Variants in SLC66A3 observed in about 807,000 individuals in gnomAD.
SLC66A3 encodes the protein PQ loop repeat containing 3.
A neutral mutation model predicts 25.5 loss-of-function variants in SLC66A3; 23 were observed. The observed-to-expected ratio is 0.90, with a 90% CI of 0.65 to 1.28. The LOEUF (loss-of-function observed/expected upper bound fraction) is 1.28, where lower values mean the gene tolerates loss of function less well. Among genes scored for constraint, SLC66A3 ranks in the 50% most tolerant of loss-of-function variants. The pLI, the probability that SLC66A3 is intolerant of heterozygous loss-of-function variation, is 0.00. For synonymous variants in SLC66A3, 108 were observed against 112.6 expected, an observed-to-expected ratio of 0.96 and a Z score of 0.26; for missense variants, 246 against 262.1, an observed-to-expected ratio of 0.94 and a Z score of 0.42.
Position 11,172,152 on chromosome 2 carries a change from C to G in SLC66A3, c.475+107C>G. ...TAACATGGTCCCTGGCGCTTTACTA[C>G]TTTACAAATGGCTACTCAGCTAGAA... On this transcript the variant is annotated intron_variant, in intron 5 of 6. Transcript: ENST00000295083. 5 of 1,067,352 alleles carry G rather than the reference C, an allele frequency of 4.7e-6. No individual in the cohort carries two copies. In the South Asian group the frequency reaches 6.3e-5, roughly 13 times the overall value. 66.1% of individuals were successfully genotyped at this position (1,067,352 alleles called of 1,614,324 possible).
Position 11,155,647 on chromosome 2 carries a change from C to T in SLC66A3, c.101C>T (p.Ala34Val), listed in dbSNP as rs754964965. Reference sequence around the variant, plus strand: ...TCCGCTGTGCTAGCGGCGCGCAGCGCGCGGGGCCTCAGCCTTCCGAGTTTA... The same window carrying T: ...TCCGCTGTGCTAGCGGCGCGCAGCGTGCGGGGCCTCAGCCTTCCGAGTTTA... ...QISAVLAARS[A>V]RGLSLPSLLL... is the part of the protein sequence containing the mutation. The change falls in exon 1 of 7, where the codon GCG (alanine) becomes GTG (valine). Residue 34 changes from alanine (A) to valine (V), a missense_variant. Physicochemically the swap from Ala to Val is moderately conservative, Grantham distance 64. This residue lies in a region of SLC66A3 where 142 missense variants were observed against 130.3 expected (regional missense o/e 1.09). Coordinates refer to ENST00000295083, the MANE Select transcript of SLC66A3 (RefSeq NM_152391.5). The T allele has an allele frequency of 1.3e-6, 2 of 1,497,786 alleles. No homozygotes were observed. The highest frequency in any genetic ancestry group is 2.7e-5 in the East Asian group (1 of 36,884). 92.8% of individuals were successfully genotyped at this position (1,497,786 alleles called of 1,614,324 possible).
intron 4 of SLC66A3, 66 bp downstream of exon 4, chr2:11,164,327 T>TATATATATATATA: frequency 5.7e-6 from 1 of 175,462 alleles, no homozygotes. Context: ...TGATAGATAT[T>TATATATATATATA]TATATATATA....
intron 4 of SLC66A3, among the ~76,000 whole-genome samples, chr2:11,167,468 A>G (rs1299920601): frequency 6.6e-6 from 1 of 152,102 alleles, no homozygotes; most frequent in Non-Finnish European, 1.5e-5. Flanking sequence ...CAAAAGAATC[A>G]AGTTCAGGGG....
chr2:11,168,979 T>C (rs1208794590), intron 4 of SLC66A3, among the ~76,000 whole-genome samples: 2 of 152,072 alleles, frequency 1.3e-5, no homozygotes, highest in Non-Finnish European at 2.9e-5. Context: ...TGCCTGAGCC[T>C]CCTGAGTAGC....
At chr2:11,163,738 A>AC (rs1662207332) in intron 3 of SLC66A3, among the ~76,000 whole-genome samples, 2 of 152,090 alleles carry the variant, frequency 1.3e-5, no homozygotes, top group Admixed American at 6.5e-5. Context: ...AGCATTGCCC[A>AC]CCCCAGCTGT....
In SLC66A3 at chr2:11,175,116, T is replaced by A. The variant is rs1394176426; in HGVS notation, c.517+107T>A. ...ATGGATGGACTTGGCTCTGTTGGAT[T>A]ATAGATTTAGAAGATGGCAACAATG... On this transcript the variant is annotated intron_variant, in intron 6 of 6. Transcript: ENST00000295083. 3.7e-6 allele frequency: 3 copies of A among 809,056 alleles called. No individual in the cohort carries two copies. In the African/African-American group the frequency reaches 5.2e-5, roughly 14 times the overall value. 50.1% of individuals were successfully genotyped at this position (809,056 alleles called of 1,614,324 possible).
intron 4 of SLC66A3, among the ~76,000 whole-genome samples, chr2:11,168,273 ACT>A (rs764078902): frequency 5.4e-5 from 8 of 149,114 alleles, no homozygotes; most frequent in Non-Finnish European, 1.2e-4. Context: ...TGACAGCAAG[ACT>A]CTGTCTGAAA....
intron 1 of SLC66A3, among the ~76,000 whole-genome samples, chr2:11,159,892 GTGGTTCTTCA>G (rs1279109739): frequency 6.6e-6 from 1 of 152,208 alleles, no homozygotes; most frequent in Non-Finnish European, 1.5e-5. Flanking sequence ...GAAATTGAGG[GTGGTTCTTCA>G]CGCTTTCCCC....
intron 1 of SLC66A3, 159 bp from the exon 2 acceptor site, chr2:11,160,307 A>T: frequency 1.5e-6 from 1 of 656,652 alleles, no homozygotes. Flanking sequence ...ATTCAACTGA[A>T]TTCCATCTAT....
chr2:11,161,633 C>T (rs1305492299), intron 3 of SLC66A3, among the ~76,000 whole-genome samples: 1 of 152,174 alleles, frequency 6.6e-6, no homozygotes, highest in Non-Finnish European at 1.5e-5. Context: ...ATCTTCCCGC[C>T]TCAGCCTCCT....
At chr2:11,158,017 A>T (rs1031874962) in intron 1 of SLC66A3, among the ~76,000 whole-genome samples, 1 of 152,126 alleles carries the variant, frequency 6.6e-6, no homozygotes, top group African/African-American at 2.4e-5. Context: ...TCTGGGTAGG[A>T]TGCCTTTGGA....
At chr2:11,169,833 C>CTTTTTT (rs1369612743) in intron 4 of SLC66A3, among the ~76,000 whole-genome samples, 6 of 66,686 alleles carry the variant, frequency 9.0e-5, no homozygotes, top group African/African-American at 3.9e-4. Context: ...CCCTGGATTT[C>CTTTTTT]TCTCTTTTTT....
At chr2:11,160,816 AAAAAAT>A (rs1245681546) in intron 3 of SLC66A3, 122 bp downstream of exon 3, 129 of 1,437,870 alleles carry the variant, frequency 9.0e-5, no homozygotes, top group East Asian at 1.5e-4. Context: ...AAAAAAAAAA[AAAAAAT>A]CCCAAATGCA....
At chr2:11,166,443 G>C (rs1237282703) in intron 4 of SLC66A3, among the ~76,000 whole-genome samples, 1 of 152,166 alleles carries the variant, frequency 6.6e-6, no homozygotes, top group Non-Finnish European at 1.5e-5. Flanking sequence ...GCAGACTCAT[G>C]AATTTCTTTC....
intron 5 of SLC66A3, among the ~76,000 whole-genome samples, chr2:11,174,235 C>T (rs1004092199): frequency 6.6e-6 from 1 of 152,146 alleles, no homozygotes; most frequent in African/African-American, 2.4e-5. Flanking sequence ...GGATTACAGG[C>T]GTGAGCCACT....
intron 3 of SLC66A3, among the ~76,000 whole-genome samples, chr2:11,162,329 C>T (rs1056898836): frequency 6.6e-6 from 1 of 152,232 alleles, no homozygotes; most frequent in Non-Finnish European, 1.5e-5. Context: ...CAACACTTCA[C>T]GGTCAGTCCC....
At chr2:11,174,646 G>A (rs1002589339) in intron 5 of SLC66A3, among the ~76,000 whole-genome samples, 4 of 151,962 alleles carry the variant, frequency 2.6e-5, no homozygotes, top group East Asian at 1.9e-4. Flanking sequence ...ACAGGCGCCC[G>A]CCACTACACC....
At chr2:11,158,241 G>A (rs929294111) in intron 1 of SLC66A3, among the ~76,000 whole-genome samples, 1 of 152,348 alleles carries the variant, frequency 6.6e-6, no homozygotes, top group Non-Finnish European at 1.5e-5. Context: ...TAAAGGGACA[G>A]GCATGGTGGC....
intron 3 of SLC66A3, among the ~76,000 whole-genome samples, chr2:11,162,329 C>G (rs1056898836): frequency 6.6e-6 from 1 of 152,232 alleles, no homozygotes; most frequent in Non-Finnish European, 1.5e-5. Context: ...CAACACTTCA[C>G]GGTCAGTCCC....
Sources: gnomAD v4.1 joint callset for allele counts (sites outside exome capture counted in the v4.1 genomes callset) on GRCh38, gnomAD v4.1.1 for gene constraint, gnomAD v4.1.1 regional missense constraint, MANE v1.5 for transcripts, NCBI Gene and HGNC (gene_info 2026-07-23, HGNC 2026-07-21) for gene names.